COQ10B: variants seen among roughly 807,000 people sequenced by gnomAD.
The protein encoded by COQ10B is coenzyme Q10B.
In COQ10B, 12 loss-of-function variants were observed where a neutral mutation model predicts 27.6. The observed-to-expected ratio is 0.43, with a 90% confidence interval of 0.28 to 0.70. COQ10B has a LOEUF of 0.70. COQ10B is among the 30% of genes least tolerant of loss of function. The pLI is 0.17. For synonymous variants in COQ10B, 115 were observed against 103.0 expected (o/e 1.12, Z -0.71); for missense variants, 278 against 288.7 (o/e 0.96, Z 0.27).
At chr2:197,459,795 G>C in intron 1 of COQ10B, 137 bp from the exon 2 acceptor site, 1 of 496,086 alleles carries the variant, frequency 2.0e-6, no homozygotes, top group East Asian at 3.6e-5. Context: ...TTCTGTGCCC[G>C]TGTGTGTGTA....
chr2:197,462,830 A>G, intron 3 of COQ10B, 99 bp downstream of exon 3: 1 of 652,862 alleles, frequency 1.5e-6, no homozygotes, highest in Non-Finnish European at 2.5e-6. Flanking sequence ...TATTTAACCT[A>G]ACAGGAGGAG....
intron 3 of COQ10B, 46 bp from the exon 4 acceptor site, chr2:197,470,024 T>C: frequency 1.7e-6 from 2 of 1,149,008 alleles, no homozygotes; most frequent in African/African-American, 1.5e-5. Flanking sequence ...TTATGTCCAG[T>C]AGCAAAGGTA....
Position 197,453,556 on chromosome 2 carries a change from C to T in COQ10B, c.-5C>T. 6.2e-7 allele frequency: 1 copy of T among 1,611,154 alleles called. No homozygotes were observed. Among genetic ancestry groups the T allele is most frequent in the Non-Finnish European group, 8.5e-7 (1 of 1,177,484 alleles). On this transcript the variant is annotated 5_prime_UTR_variant, in exon 1 of 5. Transcript: ENST00000263960. ...GAGGTGACGACCGGCTTCGGAGAGT[C>T]TATCATGGCAGCTCGGACTGGTCAT... is the stretch of plus-strand genomic sequence containing the variant.
At chr2:197,471,362 G>T (rs1318203380) in intron 4 of COQ10B, among the ~76,000 whole-genome samples, 2 of 151,970 alleles carry the variant, frequency 1.3e-5, no homozygotes, top group African/African-American at 4.8e-5. Flanking sequence ...GGCTGGTCTC[G>T]AACTTCTGGG....
intron 3 of COQ10B, 73 bp from the exon 4 acceptor site, chr2:197,469,997 C>G: frequency 4.6e-6 from 4 of 870,172 alleles, no homozygotes; most frequent in Non-Finnish European, 7.5e-6. Context: ...CAGCCTCAGT[C>G]ATAGTAGATT....
rs577904936 is a variant in COQ10B, at chr2:197,474,609, C to A, written c.*685C>A. The A allele has an allele frequency of 2.0e-5, 3 of 152,374 alleles. No individual in the cohort carries two copies. The highest frequency in any genetic ancestry group is 3.8e-4 in the East Asian group (2 of 5,256). 9.4% of individuals were successfully genotyped at this position (152,374 alleles called of 1,614,324 possible). ...GCTGAGGCACAAGAATCGCTTGAAC[C>A]CGGGAGGCGGAGGTTGCAGTTAGCC... On this transcript the variant is annotated 3_prime_UTR_variant, in exon 5 of 5. Transcript: ENST00000263960.
At chr2:197,453,835 GC>G in intron 1 of COQ10B, 171 bp downstream of exon 1, 1 of 1,066,510 alleles carries the variant, frequency 9.4e-7, no homozygotes, top group South Asian at 1.6e-5. Flanking sequence ...AGAGCGGCGC[GC>G]ATCACCTTGG....
At chr2:197,457,712 C>T (rs978328580) in intron 1 of COQ10B, among the ~76,000 whole-genome samples, 6 of 151,098 alleles carry the variant, frequency 4.0e-5, no homozygotes, top group Non-Finnish European at 7.4e-5. Context: ...ACCTCCGCGT[C>T]CCAGGTTCAA....
intron 3 of COQ10B, among the ~76,000 whole-genome samples, chr2:197,468,376 G>A (rs1336251786): frequency 1.3e-5 from 2 of 149,444 alleles, no homozygotes; most frequent in Non-Finnish European, 3.0e-5. Flanking sequence ...CCAGGAGGCG[G>A]AGCTTGCAGT....
Position 197,462,551 on chromosome 2 carries a change from G to A in COQ10B, c.267G>A (p.Gln89=). Reference sequence around the variant, plus strand: ...TTATTTTTTAAAGATATTCAATGCAGGAAATGTATGATGTAGTATCGGGAG... The same window carrying A: ...TTATTTTTTAAAGATATTCAATGCAAGAAATGTATGATGTAGTATCGGGAG... ...SERRILGYSM[Q]EMYDVVSGVE... Residue 89 remains glutamine, a synonymous_variant, in exon 3 of 5, where the codon CAG becomes CAA. Coordinates refer to ENST00000263960, the MANE Select transcript of COQ10B (RefSeq NM_025147.5). The A allele has an allele frequency of 2.6e-6, 4 of 1,563,084 alleles. No homozygotes were observed. Among genetic ancestry groups the A allele is most frequent in the Non-Finnish European group, 3.5e-6 (4 of 1,149,832 alleles).
intron 3 of COQ10B, among the ~76,000 whole-genome samples, chr2:197,465,537 C>T (rs2085815994): frequency 6.6e-6 from 1 of 152,122 alleles, no homozygotes; most frequent in South Asian, 2.1e-4. Flanking sequence ...GGTGATCTGT[C>T]TGCCTTGGCC....
chr2:197,464,537 G>A (rs2085803477), intron 3 of COQ10B, among the ~76,000 whole-genome samples: 1 of 152,110 alleles, frequency 6.6e-6, no homozygotes, highest in South Asian at 2.1e-4. Flanking sequence ...TTAAAATGCT[G>A]TGGACTAGGA....
chr2:197,453,875 C>T (rs2085665761), intron 1 of COQ10B: 2 of 1,368,012 alleles, frequency 1.5e-6, no homozygotes, highest in Non-Finnish European at 2.0e-6. Context: ...GGCTCGTTTG[C>T]CTCGTGAGAG....
At chr2:197,471,979 A>G (rs865838851) in intron 4 of COQ10B, among the ~76,000 whole-genome samples, 26 of 151,676 alleles carry the variant, frequency 1.7e-4, no homozygotes, top group African/African-American at 5.8e-4. Context: ...AAATTTGAAT[A>G]AGGTCTATAT....
chr2:197,460,204 C>CTTT, intron 2 of COQ10B, 123 bp downstream of exon 2: 1 of 595,984 alleles, frequency 1.7e-6, no homozygotes. Flanking sequence ...CTAGGTTGGC[C>CTTT]TTTTTCTTTT....
intron 2 of COQ10B, among the ~76,000 whole-genome samples, chr2:197,462,310 C>T (rs1039687219): frequency 6.6e-6 from 1 of 151,830 alleles, no homozygotes; most frequent in Non-Finnish European, 1.5e-5. Flanking sequence ...CAGATTCAAC[C>T]TGTGAGATGC....
Position 197,462,667 on chromosome 2 carries a change from G to A in COQ10B, c.383G>A (p.Gly128Glu). The A allele has an allele frequency of 3.1e-6, 5 of 1,604,532 alleles. No homozygotes were observed. The highest frequency in any genetic ancestry group is 4.3e-6 in the Non-Finnish European group (5 of 1,175,904). The change falls in exon 3 of 5, where the codon GGA becomes GAA. Residue 128 changes from glycine to glutamate, a missense_variant. Around this residue, in one of 3 missense-constraint regions of COQ10B, gnomAD observed 183 missense variants for 158.2 expected, o/e 1.16. Coordinates refer to ENST00000263960, the MANE Select transcript of COQ10B (RefSeq NM_025147.5). ...SGYCKTRLEIGFPPVLERYTS... is the reference protein window; with the variant it reads ...SGYCKTRLEIEFPPVLERYTS... Reference sequence around the variant, plus strand: ...TATTGTAAAACAAGATTAGAAATTGGATTTCCACCTGTGTTGGAGCGATAT... The same window carrying A: ...TATTGTAAAACAAGATTAGAAATTGAATTTCCACCTGTGTTGGAGCGATAT...
chr2:197,463,607 CA>C (rs933799833), intron 3 of COQ10B, among the ~76,000 whole-genome samples: 4 of 147,122 alleles, frequency 2.7e-5, no homozygotes, highest in Non-Finnish European at 4.5e-5. Context: ...GACAGTGTCT[CA>C]AAAAAAATTA....
chr2:197,457,213 A>G (rs1403290678), intron 1 of COQ10B, among the ~76,000 whole-genome samples: 1 of 152,218 alleles, frequency 6.6e-6, no homozygotes, highest in Non-Finnish European at 1.5e-5. Context: ...GGTTCCTAAC[A>G]GGCCACGGAC....
Sources: allele counts gnomAD v4.1 joint callset (sites outside exome capture counted in the v4.1 genomes callset), GRCh38; gene constraint gnomAD v4.1.1; regional missense constraint gnomAD v4.1.1; transcripts MANE v1.5; gene names NCBI Gene and HGNC (gene_info 2026-07-23, HGNC 2026-07-21).